Variants in BRAF observed in about 807,000 individuals in gnomAD.
BRAF encodes serine/threonine-protein kinase B-raf.
A neutral mutation model predicts 104.6 loss-of-function variants in BRAF; 16 were observed. That is an observed-to-expected ratio of 0.15 (90% confidence interval 0.10 to 0.23). The LOEUF (loss-of-function observed/expected upper bound fraction) is 0.23, where lower values mean the gene tolerates loss of function less well. Among genes scored for constraint, BRAF ranks in the 10% least tolerant of loss-of-function variants. BRAF has a pLI of 1.00. For missense variants in BRAF, 541 were observed against 937.3 expected, an observed-to-expected ratio of 0.58 and a Z score of 5.52; for synonymous variants, 310 against 341.6, an observed-to-expected ratio of 0.91 and a Z score of 1.02.
At chr7:140,817,170 C>T (rs1804971473) in intron 3 of BRAF, among the ~76,000 whole-genome samples, 1 of 151,988 alleles carries the variant, frequency 6.6e-6, no homozygotes, top group Admixed American at 6.6e-5. Context: ...AGCAAACAAT[C>T]CGAAACAAAA....
Position 140,722,101 on chromosome 7 carries a change from T to C in BRAF, c.*4393A>G, listed in dbSNP as rs2130820923. The stretch of plus-strand genomic sequence containing the variant: ...ACATTTCTGTTGTATAAAAGTTCCA[T>C]GCTTTGAAGAGCCTATGGGAGTAGA... On this transcript the variant is annotated 3_prime_UTR_variant, in exon 20 of 20. Coordinates refer to ENST00000644969, the MANE Select transcript of BRAF (RefSeq NM_001374258.1). The C allele has an allele frequency of 1.9e-6, 2 of 1,078,842 alleles. No individual in the cohort carries two copies. Among genetic ancestry groups the C allele is most frequent in the African/African-American group, 1.6e-5 (1 of 61,720 alleles). 66.8% of individuals were successfully genotyped at this position (1,078,842 alleles called of 1,614,324 possible).
chr7:140,770,743 C>G lies in BRAF; in HGVS notation c.1814+6169G>C, dbSNP rs541639914. On this transcript the variant is annotated intron_variant, in intron 14 of 19. Transcript: ENST00000644969. ...TTGAGGTCAGGAGTTCAAGACCAGC[C>G]TGGCCATCATGGTGAAAACCCGTTT... 3.9e-5 allele frequency among the ~76,000 whole-genome samples: 6 copies of G among 152,052 alleles called. No homozygotes were observed. The South Asian group carries it at 1.3e-3, about 32-fold the overall frequency.
chr7:140,780,053 T>TG (rs1185113965), intron 12 of BRAF: 2 of 152,198 alleles, frequency 1.3e-5, no homozygotes, highest in Non-Finnish European at 2.9e-5. Context: ...CTTATTCTAC[T>TG]GTTTGTATCA....
At chr7:140,846,590 T>G (rs1038493160) in intron 2 of BRAF, among the ~76,000 whole-genome samples, 4 of 151,910 alleles carry the variant, frequency 2.6e-5, no homozygotes, top group African/African-American at 9.7e-5. Context: ...TTTCTAGAAA[T>G]GGATGGTGGT....
At chr7:140,768,029 T>C (rs936848931) in intron 14 of BRAF, among the ~76,000 whole-genome samples, 7 of 152,220 alleles carry the variant, frequency 4.6e-5, no homozygotes, top group African/African-American at 1.7e-4. Context: ...CAGATATTTA[T>C]TGACCAGTAG....
In BRAF at chr7:140,924,682, C is replaced by A. The variant is rs1205861530; in HGVS notation, c.22G>T (p.Gly8Cys). 8.6e-7 allele frequency: 1 copy of A among 1,162,152 alleles called. No homozygotes were observed. Among genetic ancestry groups the A allele is most frequent in the Admixed American group, 2.1e-5 (1 of 48,326 alleles). 72.0% of individuals were successfully genotyped at this position (1,162,152 alleles called of 1,614,324 possible). MAALSGG[G>C]GGGAEPGQAL... ...TGGCCCGGCTCCGCGCCGCCACCAC[C>A]GCCACCGCTCAGCGCCGCCATCTTA... is the stretch of plus-strand genomic sequence containing the variant. The change falls in exon 1 of 20, where the codon GGT becomes TGT. Residue 8 changes from glycine (G) to cysteine (C), a missense_variant. By Grantham distance (159) the Gly-to-Cys change is radical (BLOSUM62 -3). Transcript: ENST00000644969. The surrounding 1 kb of genome is among the most constrained non-coding windows in gnomAD (Gnocchi z 4.2).
intron 1 of BRAF, among the ~76,000 whole-genome samples, chr7:140,912,749 T>G (rs1341915367): frequency 6.6e-6 from 1 of 152,348 alleles, no homozygotes; most frequent in East Asian, 1.9e-4. Context: ...GGTTTCACCA[T>G]GTTGGTCAGG....
intron 1 of BRAF, among the ~76,000 whole-genome samples, chr7:140,914,428 A>C (rs1182992143): frequency 6.6e-6 from 1 of 152,204 alleles, no homozygotes; most frequent in Non-Finnish European, 1.5e-5. Context: ...GTTAGAGGCA[A>C]TCCTGCAAAA....
downstream of BRAF, among the ~76,000 whole-genome samples, chr7:140,714,994 G>A (rs1246150693): frequency 2.0e-5 from 3 of 152,160 alleles, no homozygotes; most frequent in Non-Finnish European, 2.9e-5. Context: ...CCGTGTTTAA[G>A]GAACAGAAAG....
intron 2 of BRAF, among the ~76,000 whole-genome samples, chr7:140,837,062 T>C (rs1221243177): frequency 6.6e-6 from 1 of 152,216 alleles, no homozygotes; most frequent in Non-Finnish European, 1.5e-5. Context: ...GCTTTTCCTT[T>C]TGTTAAGTAC....
At chr7:140,814,747 A>AATATATAACATATATATT (rs1383469753) in intron 3 of BRAF, among the ~76,000 whole-genome samples, 95 of 124,170 alleles carry the variant, frequency 7.7e-4, no homozygotes, top group African/African-American at 2.2e-3. Context: ...ATTTATATAC[A>AATATATAACATATATATT]ATATATAACA....
intron 14 of BRAF, among the ~76,000 whole-genome samples, chr7:140,774,549 G>C (rs915730567): frequency 6.6e-6 from 1 of 152,032 alleles, no homozygotes; most frequent in Non-Finnish European, 1.5e-5. Flanking sequence ...ACAGGGTCTC[G>C]CTCTGTTACC....
chr7:140,861,346 C>G (rs1384211573), intron 1 of BRAF, among the ~76,000 whole-genome samples: 1 of 152,172 alleles, frequency 6.6e-6, no homozygotes, highest in Non-Finnish European at 1.5e-5. Context: ...TACAAAAGGC[C>G]AAATGGTATT....
intron 7 of BRAF, among the ~76,000 whole-genome samples, chr7:140,796,512 A>C (rs1802512220): frequency 6.6e-6 from 1 of 152,252 alleles, no homozygotes; most frequent in Non-Finnish European, 1.5e-5. Context: ...TAGATAACAA[A>C]TCAGAGTTAA....
rs558409692 is a variant in BRAF at position 140,739,535 on chromosome 7, C to T, written c.2247+277G>A. On this transcript the variant is annotated intron_variant, in intron 18 of 19. Coordinates refer to ENST00000644969, the MANE Select transcript of BRAF (RefSeq NM_001374258.1). Reference sequence around the variant, plus strand: ...AGCTCTTTGTGGGGGGGGGGGTCTTCGATAATTTTTAAATGTGTAAAAGAG... The same window carrying T: ...AGCTCTTTGTGGGGGGGGGGGTCTTTGATAATTTTTAAATGTGTAAAAGAG... Among the ~76,000 whole-genome samples the T allele has an allele frequency of 1.2e-3, 184 of 148,346 alleles. 1 individual carries two copies. The highest frequency in any genetic ancestry group is 2.4e-3 in the Non-Finnish European group (162 of 67,114).
intron 1 of BRAF, among the ~76,000 whole-genome samples, chr7:140,915,478 A>T (rs1446039004): frequency 6.7e-6 from 1 of 149,216 alleles, no homozygotes; most frequent in African/African-American, 2.5e-5. Context: ...CTTGTTGCCC[A>T]GGCTGGAGTG....
At chr7:140,788,995 G>A (rs1404072422) in intron 8 of BRAF, among the ~76,000 whole-genome samples, 1 of 151,800 alleles carries the variant, frequency 6.6e-6, no homozygotes, top group Non-Finnish European at 1.5e-5. Context: ...TGGATCACGA[G>A]GTTAGGAGTT....
chr7:140,911,104 G>A (rs906214389), intron 1 of BRAF, among the ~76,000 whole-genome samples: 2 of 152,170 alleles, frequency 1.3e-5, no homozygotes, highest in African/African-American at 2.4e-5. Context: ...TAACTATGCA[G>A]ACTAAGAGTA....
At chr7:140,910,866 T>C (rs1238627273) in intron 1 of BRAF, among the ~76,000 whole-genome samples, 1 of 151,978 alleles carries the variant, frequency 6.6e-6, no homozygotes, top group Non-Finnish European at 1.5e-5. Flanking sequence ...GGGCTCGCTA[T>C]GTTGCCCAGG....
Sources: allele counts gnomAD v4.1 joint callset (sites outside exome capture counted in the v4.1 genomes callset), GRCh38; gene constraint gnomAD v4.1.1; non-coding constraint Gnocchi (gnomAD v3.1); transcripts MANE v1.5; gene names NCBI Gene and HGNC (gene_info 2026-07-23, HGNC 2026-07-21).